FGF13: variants seen among roughly 807,000 people sequenced by gnomAD.
The protein encoded by FGF13 is fibroblast growth factor 13, also known as fibroblast growth factor homologous factor 2.
A neutral mutation model predicts 19.5 loss-of-function variants in FGF13; 2 were observed. The observed-to-expected ratio is 0.10, with a 90% CI of 0.04 to 0.32. The LOEUF is 0.32. FGF13 is among the 10% of genes least tolerant of loss of function. The pLI, the probability that FGF13 is intolerant of heterozygous loss-of-function variation, is 1.00. For synonymous variants in FGF13, 72 were observed against 76.9 expected, an observed-to-expected ratio of 0.94 and a Z score of 0.33; for missense variants, 113 against 192.7, an observed-to-expected ratio of 0.59 and a Z score of 2.45.
chrX:139,042,015 CAT>C (rs1028387931), intron 1 of FGF13, among the ~76,000 whole-genome samples: 17 of 112,451 alleles, frequency 1.5e-4, no homozygotes, highest in Non-Finnish European at 2.1e-4. Context: ...CATTCAATCA[CAT>C]GTGTAAAACT....
rs951764192 is a variant in FGF13 at position 138,622,845 on chromosome X, G to T, written c.*10005C>A. ...TTCGATTAAGATTTTGATAGGGCTTGCATTGACTCTGTAGATCACTTTAGT... is the reference window on the plus strand; with the variant it reads ...TTCGATTAAGATTTTGATAGGGCTTTCATTGACTCTGTAGATCACTTTAGT... On this transcript the variant is annotated 3_prime_UTR_variant, in exon 5 of 5. Coordinates refer to ENST00000315930, the MANE Select transcript of FGF13 (RefSeq NM_004114.5). 1 of 111,662 alleles carries T rather than the reference G, an allele frequency of 9.0e-6. No individual in the cohort carries two copies. The highest frequency in any genetic ancestry group is 3.2e-5 in the African/African-American group (1 of 30,798). 9.2% of individuals were successfully genotyped at this position (111,662 alleles called of 1,213,427 possible).
intron 1 of FGF13, among the ~76,000 whole-genome samples, chrX:139,135,020 G>T (rs748504411): frequency 9.0e-6 from 1 of 111,185 alleles, no homozygotes; most frequent in South Asian, 3.8e-4. Context: ...TTTCACAGGA[G>T]CTCAGATGAA....
At chrX:138,764,974 G>A (rs2090493346) in intron 3 of FGF13, among the ~76,000 whole-genome samples, 1 of 111,766 alleles carries the variant, frequency 8.9e-6, no homozygotes, top group Non-Finnish European at 1.9e-5. Context: ...ATAATGGCAA[G>A]CATCTATTCA....
intron 1 of FGF13, among the ~76,000 whole-genome samples, chrX:138,730,058 G>T (rs992555351): frequency 1.8e-5 from 2 of 111,663 alleles, no homozygotes; most frequent in Admixed American, 1.9e-4. Context: ...TCTTTATAAT[G>T]AAGGAAAATT....
At chrX:138,636,284 T>C (rs191925897) in intron 3 of FGF13, among the ~76,000 whole-genome samples, 1 of 112,013 alleles carries the variant, frequency 8.9e-6, no homozygotes, top group African/African-American at 3.2e-5. Context: ...AACATTTACA[T>C]GCAAATCAAT....
chrX:139,088,042 T>A (rs1304071325), intron 1 of FGF13, among the ~76,000 whole-genome samples: 4 of 111,833 alleles, frequency 3.6e-5, no homozygotes, highest in Non-Finnish European at 7.5e-5. Flanking sequence ...AAGTTTCATG[T>A]CATTAATTTT....
At chrX:139,113,350 A>T (rs1029812721) in intron 1 of FGF13, among the ~76,000 whole-genome samples, 15 of 111,682 alleles carry the variant, frequency 1.3e-4, no homozygotes, top group Non-Finnish European at 2.6e-4. Flanking sequence ...TCACAAGGCT[A>T]GTAGACTGTG....
chrX:138,950,394 C>T (rs934915663), intron 1 of FGF13, among the ~76,000 whole-genome samples: 2 of 112,041 alleles, frequency 1.8e-5, no homozygotes, highest in Non-Finnish European at 3.8e-5. Context: ...TTTTGAGTGC[C>T]TATGATGTTA....
intron 3 of FGF13, among the ~76,000 whole-genome samples, chrX:138,768,738 G>GATATATATATATATATATAT (rs1207173971): frequency 5.1e-4 from 48 of 94,741 alleles, no homozygotes; most frequent in African/African-American, 1.9e-3. Flanking sequence ...ATATATATAT[G>GATATATATATATATATATAT]ATATATATAT....
chrX:139,079,003 G>A (rs1269407109), intron 1 of FGF13, among the ~76,000 whole-genome samples: 4 of 112,451 alleles, frequency 3.6e-5, no homozygotes, highest in Non-Finnish European at 7.5e-5. Flanking sequence ...TTCACAGCAG[G>A]CAAAATGTAG....
intron 2 of FGF13, among the ~76,000 whole-genome samples, chrX:138,859,013 T>C (rs1319853951): frequency 1.8e-5 from 2 of 112,284 alleles, no homozygotes; most frequent in Non-Finnish European, 3.8e-5. Context: ...TTATGCAAGA[T>C]GGTGATGCTG....
intron 3 of FGF13, among the ~76,000 whole-genome samples, chrX:138,849,202 A>G (rs1252037336): frequency 9.0e-6 from 1 of 111,681 alleles, no homozygotes; most frequent in Non-Finnish European, 1.9e-5. Context: ...CAGTAGCTAG[A>G]AGATGCTGTT....
At chrX:139,068,016 T>G (rs1342689141) in intron 1 of FGF13, among the ~76,000 whole-genome samples, 4 of 102,528 alleles carry the variant, frequency 3.9e-5, no homozygotes, top group African/African-American at 1.1e-4. Flanking sequence ...AATTTTGTCT[T>G]TTGTTGCCAT....
rs955217650 is a variant in FGF13 at position 139,062,988 on chromosome X, A to T, written c.-113+140428T>A. On this transcript the variant is annotated intron_variant, in intron 1 of 2. Transcript: ENST00000421460. ...TAAGTTCTTCTCAACTACCTTGTTC[A>T]CCTTAATTTGTATTTTTTGCTTTAA... 9.8e-5 allele frequency among the ~76,000 whole-genome samples: 11 copies of T among 112,070 alleles called. No individual in the cohort carries two copies. The Admixed American group carries it at 1.0e-3, about 11-fold the overall frequency.
At chrX:138,794,226 G>A (rs181251952) in intron 3 of FGF13, among the ~76,000 whole-genome samples, 2 of 111,849 alleles carry the variant, frequency 1.8e-5, no homozygotes, top group Admixed American at 9.5e-5. Flanking sequence ...TGAGTAATGC[G>A]ATTGTCCCCA....
intron 3 of FGF13, among the ~76,000 whole-genome samples, chrX:138,656,437 A>T (rs182971231): frequency 2.8e-4 from 31 of 111,588 alleles, no homozygotes; most frequent in African/African-American, 1.0e-3. Context: ...GGGGAATAGC[A>T]GAGTTGCCTT....
Position 138,834,661 on chromosome X carries a change from T to G in FGF13, c.217+22851A>C, listed in dbSNP as rs182652840. Among the ~76,000 whole-genome samples the G allele has an allele frequency of 4.7e-3, 517 of 110,833 alleles. 1 individual carries two copies. Among genetic ancestry groups the G allele is most frequent in the Middle Eastern group, 0.014 (3 of 216 alleles). On this transcript the variant is annotated intron_variant, in intron 3 of 6. Coordinates refer to the FGF13 transcript ENST00000436198. Reference sequence around the variant, plus strand: ...TTTTTCATGTTTCTATCTCCTTCAGTTAAGCTCTGATTTTGGTTATTTCTT... The same window carrying G: ...TTTTTCATGTTTCTATCTCCTTCAGGTAAGCTCTGATTTTGGTTATTTCTT...
At chrX:138,738,299 C>G (rs1035615888) in intron 1 of FGF13, among the ~76,000 whole-genome samples, 4 of 112,127 alleles carry the variant, frequency 3.6e-5, no homozygotes, top group African/African-American at 1.3e-4. Context: ...AAACATTTAG[C>G]AAGGTTAAGA....
intron 3 of FGF13, among the ~76,000 whole-genome samples, chrX:138,840,574 T>C (rs2091143844): frequency 1.8e-5 from 2 of 111,485 alleles, no homozygotes; most frequent in South Asian, 7.7e-4. Context: ...TGAAAACAGA[T>C]GTGGTTCCTT....
Sources: gnomAD v4.1 joint callset for allele counts (sites outside exome capture counted in the v4.1 genomes callset) on GRCh38, gnomAD v4.1.1 for gene constraint, MANE v1.5 for transcripts, NCBI Gene and HGNC (gene_info 2026-07-23, HGNC 2026-07-21) for gene names.